KLHL32: variants seen among roughly 807,000 people sequenced by gnomAD.
The protein encoded by KLHL32 is kelch like family member 32.
Under a neutral mutation model 64.8 loss-of-function variants are expected in KLHL32, and 35 were observed. The ratio of observed to expected loss-of-function variants is 0.54; its 90% confidence interval spans 0.41 to 0.72. The LOEUF (loss-of-function observed/expected upper bound fraction) is 0.72, where lower values mean the gene tolerates loss of function less well. Ranked by LOEUF, KLHL32 falls within the 30% of genes least tolerant of loss-of-function variation. The probability of loss-of-function intolerance (pLI) is 0.00; values close to 1 mark genes in which losing one functional copy is unlikely to be tolerated. For missense variants in KLHL32, 589 were observed against 768.5 expected, an observed-to-expected ratio of 0.77 and a Z score of 2.76; for synonymous variants, 259 against 281.0, an observed-to-expected ratio of 0.92 and a Z score of 0.78.
the KLHL32 span, among the ~76,000 whole-genome samples, chr6:96,911,051 A>G: frequency 6.6e-6 from 1 of 152,272 alleles, no homozygotes; most frequent in African/African-American, 2.4e-5. Flanking sequence ...CTGTACACCT[A>G]ATGCTTTGAT....
chr6:96,952,136 A>G (rs73492898), intron 1 of KLHL32, among the ~76,000 whole-genome samples: 1 of 152,276 alleles, frequency 6.6e-6, no homozygotes, highest in East Asian at 1.9e-4. Context: ...CATCCTGTCC[A>G]GGATGGGTTC....
At chr6:97,035,000 A>T (rs940981065) in intron 3 of KLHL32, among the ~76,000 whole-genome samples, 1 of 151,770 alleles carries the variant, frequency 6.6e-6, no homozygotes, top group African/African-American at 2.4e-5. Flanking sequence ...TTTCTTGTTT[A>T]ATTGCTCTGG....
intron 3 of KLHL32, among the ~76,000 whole-genome samples, chr6:97,032,574 T>G (rs960215175): frequency 6.6e-6 from 1 of 152,218 alleles, no homozygotes; most frequent in African/African-American, 2.4e-5. Context: ...TCCATTTCAT[T>G]AACCCAGATC....
chr6:96,909,627 A>G, the KLHL32 span, among the ~76,000 whole-genome samples: 12 of 152,352 alleles, frequency 7.9e-5, no homozygotes, highest in African/African-American at 2.9e-4. Context: ...GATGCTACAG[A>G]TGGTTAGAGG....
chr6:96,936,005 T>C (rs541811742), intron 1 of KLHL32, among the ~76,000 whole-genome samples: 39 of 152,180 alleles, frequency 2.6e-4, no homozygotes, highest in Non-Finnish European at 4.9e-4. Flanking sequence ...CCAACATTGA[T>C]TGGGCCTTTT....
chr6:97,134,388 C>T (rs1274731666), intron 10 of KLHL32, among the ~76,000 whole-genome samples: 4 of 152,178 alleles, frequency 2.6e-5, no homozygotes, highest in Admixed American at 6.5e-5. Context: ...TCCTGTCTTT[C>T]GGATAACAAC....
At chr6:96,975,327 T>G (rs1775574314) in intron 2 of KLHL32, among the ~76,000 whole-genome samples, 1 of 152,194 alleles carries the variant, frequency 6.6e-6, no homozygotes, top group Non-Finnish European at 1.5e-5. Context: ...ATGCTGATAA[T>G]AGATAAATTT....
At chr6:97,005,832 C>T (rs1043960135) in intron 3 of KLHL32, among the ~76,000 whole-genome samples, 1 of 151,958 alleles carries the variant, frequency 6.6e-6, no homozygotes, top group African/African-American at 2.4e-5. Context: ...TCAGACTGTG[C>T]TCTGAGAATG....
upstream of KLHL32, among the ~76,000 whole-genome samples, chr6:96,919,643 A>G (rs1768690789): frequency 1.3e-5 from 2 of 152,194 alleles, no homozygotes; most frequent in Admixed American, 1.3e-4. Context: ...AAAGTGTTAT[A>G]ATAGCCACTT....
At chr6:97,027,429 T>C (rs1383748337) in intron 3 of KLHL32, among the ~76,000 whole-genome samples, 1 of 152,226 alleles carries the variant, frequency 6.6e-6, no homozygotes, top group Non-Finnish European at 1.5e-5. Flanking sequence ...TTGAAACTTG[T>C]TAAAAACTTC....
At chr6:96,921,497 A>C (rs1007277943), upstream of KLHL32, among the ~76,000 whole-genome samples, 1 of 152,204 alleles carries the variant, frequency 6.6e-6, no homozygotes, top group African/African-American at 2.4e-5. Context: ...AAAACTAGAG[A>C]ACATCAGCCA....
chr6:96,981,050 T>A (rs1776248718), intron 3 of KLHL32, among the ~76,000 whole-genome samples: 2 of 151,938 alleles, frequency 1.3e-5, no homozygotes, highest in African/African-American at 2.4e-5. Flanking sequence ...AACCCTTAGA[T>A]CTCATGAGAA....
intron 4 of KLHL32, among the ~76,000 whole-genome samples, chr6:97,063,304 T>A (rs1183692689): frequency 2.0e-5 from 3 of 152,224 alleles, no homozygotes; most frequent in Non-Finnish European, 4.4e-5. Context: ...CAGGACTGGC[T>A]GATGGATTCG....
chr6:97,029,409 TGGTTAA>T (rs1783192791), intron 3 of KLHL32, among the ~76,000 whole-genome samples: 1 of 152,226 alleles, frequency 6.6e-6, no homozygotes. Flanking sequence ...GATCTTTATG[TGGTTAA>T]GGTGAGGGAA....
chr6:97,075,853 A>T (rs557329701), intron 5 of KLHL32, among the ~76,000 whole-genome samples: 1 of 152,356 alleles, frequency 6.6e-6, no homozygotes, highest in South Asian at 2.1e-4. Context: ...AAAGCCGTAT[A>T]CACTTTTTTG....
intron 4 of KLHL32, among the ~76,000 whole-genome samples, chr6:97,057,664 G>A (rs551260754): frequency 1.3e-5 from 2 of 151,000 alleles, no homozygotes; most frequent in South Asian, 4.2e-4. Flanking sequence ...TGTATCTGTT[G>A]CAAATATTTT....
At chr6:97,003,847 A>G (rs561076927) in intron 3 of KLHL32, among the ~76,000 whole-genome samples, 3 of 152,240 alleles carry the variant, frequency 2.0e-5, no homozygotes, top group South Asian at 2.1e-4. Context: ...CCGTTGGTCT[A>G]TGTCTCTGCT....
In KLHL32 at chr6:97,113,931, C is replaced by T. The variant is rs565228900; in HGVS notation, c.776C>T (p.Ala259Val). Residue 259 changes from alanine to valine, a missense_variant, in exon 7 of 11, where the codon GCC (alanine) becomes GTC (valine). Ala to Val is a moderately conservative substitution (Grantham distance 64, BLOSUM62 0). Around this residue, in one of 3 missense-constraint regions of KLHL32, gnomAD observed 226 missense variants for 353.2 expected, o/e 0.64. Coordinates refer to ENST00000369261, the MANE Select transcript of KLHL32 (RefSeq NM_052904.4). ...GTCCAAGCAAGTGAGACTGCAACAG[C>T]CCTTGTCAACGAGGCCCTGGAATAC... Reference protein sequence around the residue: ...PLVQASETATALVNEALEYHQ... With the variant: ...PLVQASETATVLVNEALEYHQ... 4.3e-6 allele frequency: 7 copies of T among 1,614,056 alleles called. No homozygotes were observed. Among genetic ancestry groups the T allele is most frequent in the Non-Finnish European group, 5.9e-6 (7 of 1,180,044 alleles).
the KLHL32 span, among the ~76,000 whole-genome samples, chr6:96,911,824 C>CTTTTTTT: frequency 0.029 from 1,582 of 54,074 alleles, 500 homozygotes; most frequent in East Asian, 0.072. Context: ...CTCGGTCCTT[C>CTTTTTTT]TTTTTTTTTT....
Sources: gnomAD v4.1 joint callset for allele counts (sites outside exome capture counted in the v4.1 genomes callset) on GRCh38, gnomAD v4.1.1 for gene constraint, gnomAD v4.1.1 regional missense constraint, MANE v1.5 for transcripts, NCBI Gene and HGNC (gene_info 2026-07-23, HGNC 2026-07-21) for gene names.